ARHGAP15: variants seen among roughly 807,000 people sequenced by gnomAD.
ARHGAP15 encodes rho GTPase-activating protein 15.
Under a neutral mutation model 63.7 loss-of-function variants are expected in ARHGAP15, and 51 were observed. The observed-to-expected ratio is 0.80, with a 90% CI of 0.64 to 1.01. The LOEUF (loss-of-function observed/expected upper bound fraction) is 1.01, where lower values mean the gene tolerates loss of function less well. Ranked by LOEUF, ARHGAP15 falls within the 50% of genes least tolerant of loss-of-function variation. ARHGAP15 has a pLI of 0.00. For synonymous variants in ARHGAP15, 191 were observed against 193.8 expected, an observed-to-expected ratio of 0.99 and a Z score of 0.12; for missense variants, 560 against 564.6, an observed-to-expected ratio of 0.99 and a Z score of 0.08.
intron 6 of ARHGAP15, among the ~76,000 whole-genome samples, chr2:143,373,630 A>C (rs1471502544): frequency 2.0e-4 from 5 of 24,798 alleles, no homozygotes; most frequent in African/African-American, 1.5e-3. Context: ...ACTCTATCTC[A>C]AAAAAAAAAA....
chr2:143,696,220 G>A (rs1683839050), intron 12 of ARHGAP15, among the ~76,000 whole-genome samples: 1 of 151,936 alleles, frequency 6.6e-6, no homozygotes, highest in African/African-American at 2.4e-5. Flanking sequence ...ATAATGACAT[G>A]CCTTATATTT....
At position 143,147,607 on chromosome 2, in the gene ARHGAP15, T is replaced by A. The variant is rs191006539; in HGVS notation, c.-14-7870T>A. ...GGAAATTCAGAAGCAGTTCCACTAA[T>A]CTTAACTTTATTTTCCTTATGTCTC... On this transcript the variant is annotated intron_variant, in intron 1 of 13. Transcript: ENST00000295095. Among the ~76,000 whole-genome samples, 4 of 152,170 alleles carry A rather than the reference T, an allele frequency of 2.6e-5. No homozygotes were observed. The East Asian group carries it at 7.8e-4, about 30-fold the overall frequency.
intron 10 of ARHGAP15, among the ~76,000 whole-genome samples, chr2:143,554,021 CCT>C (rs1695683781): frequency 6.6e-6 from 1 of 152,066 alleles, no homozygotes; most frequent in African/African-American, 2.4e-5. Context: ...TTATAATAGA[CCT>C]CTGATAAGGG....
chr2:143,580,131 A>C (rs992900291), intron 11 of ARHGAP15, among the ~76,000 whole-genome samples: 11 of 151,842 alleles, frequency 7.2e-5, no homozygotes, highest in African/African-American at 2.4e-4. Context: ...TTGCAGTAGA[A>C]ACTCGAACAA....
chr2:143,601,797 C>G (rs1398925699), intron 11 of ARHGAP15, among the ~76,000 whole-genome samples: 1 of 152,064 alleles, frequency 6.6e-6, no homozygotes, highest in Non-Finnish European at 1.5e-5. Context: ...CTCAATTGTT[C>G]CTGACTTTCT....
intron 10 of ARHGAP15, among the ~76,000 whole-genome samples, chr2:143,554,298 A>G (rs1054005605): frequency 2.6e-5 from 4 of 152,144 alleles, no homozygotes; most frequent in African/African-American, 7.2e-5. Context: ...CATTTGATCA[A>G]ACTTTGTTTG....
In ARHGAP15 at chr2:143,637,907, C is replaced by T. The variant is rs540736704; in HGVS notation, c.1138+13640C>T. ...CAAAAAACACATGAAAAAATGCTCA[C>T]CATCACTGGCCATCAGAGAAATGCA... On this transcript the variant is annotated intron_variant, in intron 12 of 13. Coordinates refer to ENST00000295095, the MANE Select transcript of ARHGAP15 (RefSeq NM_018460.4). Among the ~76,000 whole-genome samples the T allele has an allele frequency of 2.4e-3, 363 of 152,142 alleles. 2 individuals carry two copies. The highest frequency in any genetic ancestry group is 8.5e-3 in the African/African-American group (352 of 41,512).
chr2:143,442,181 T>C (rs1364403191), intron 8 of ARHGAP15, among the ~76,000 whole-genome samples: 1 of 152,184 alleles, frequency 6.6e-6, no homozygotes, highest in Non-Finnish European at 1.5e-5. Flanking sequence ...TAAATAATTA[T>C]AATACTGGTC....
At chr2:143,253,735 A>C (rs1680279625) in intron 6 of ARHGAP15, among the ~76,000 whole-genome samples, 1 of 148,344 alleles carries the variant, frequency 6.7e-6, no homozygotes, top group Admixed American at 7.0e-5. Context: ...ACATGTATAA[A>C]ATATATATAC....
chr2:143,556,538 A>G, intron 11 of ARHGAP15, 53 bp downstream of exon 11: 7 of 1,326,274 alleles, frequency 5.3e-6, no homozygotes, highest in Non-Finnish European at 7.6e-6. Context: ...ATGGAACAAT[A>G]TTTCATACAC....
intron 8 of ARHGAP15, among the ~76,000 whole-genome samples, chr2:143,462,306 G>A (rs1487768692): frequency 2.6e-5 from 4 of 152,130 alleles, no homozygotes; most frequent in Non-Finnish European, 5.9e-5. Flanking sequence ...TATTTTTGTG[G>A]TGGAAGTTTG....
At chr2:143,361,280 C>T (rs942096328) in intron 6 of ARHGAP15, among the ~76,000 whole-genome samples, 1 of 152,172 alleles carries the variant, frequency 6.6e-6, no homozygotes, top group Admixed American at 6.5e-5. Context: ...GATATGTCAC[C>T]TATTAGCCAC....
chr2:143,513,395 C>T (rs1333410736), intron 9 of ARHGAP15, among the ~76,000 whole-genome samples: 1 of 152,170 alleles, frequency 6.6e-6, no homozygotes, highest in African/African-American at 2.4e-5. Context: ...CTCTCCTATC[C>T]ATCCCAATTC....
intron 6 of ARHGAP15, among the ~76,000 whole-genome samples, chr2:143,377,194 T>A (rs1284622043): frequency 6.6e-6 from 1 of 151,886 alleles, no homozygotes; most frequent in Non-Finnish European, 1.5e-5. Flanking sequence ...TTAAAAAAAA[T>A]CCAGCCAATA....
At chr2:143,186,731 C>T (rs577473673) in intron 2 of ARHGAP15, among the ~76,000 whole-genome samples, 74 of 152,078 alleles carry the variant, frequency 4.9e-4, no homozygotes, top group Non-Finnish European at 8.4e-4. Flanking sequence ...TGATTTCTCC[C>T]GAAACAAACA....
rs1299568261 is a variant in ARHGAP15 at position 143,740,350 on chromosome 2, C to T, written c.1245-27639C>T. 2.0e-5 allele frequency among the ~76,000 whole-genome samples: 3 copies of T among 152,172 alleles called. No individual in the cohort carries two copies. The East Asian group carries it at 5.8e-4, about 29-fold the overall frequency. ...GTCTGCATATTAGGAACAACAGATA[C>T]ATCAGAATCTACCTCTTGACTTTCT... On this transcript the variant is annotated intron_variant, in intron 13 of 13. Transcript: ENST00000295095.
At chr2:143,714,331 C>A (rs976753435) in intron 13 of ARHGAP15, among the ~76,000 whole-genome samples, 7 of 152,182 alleles carry the variant, frequency 4.6e-5, no homozygotes, top group Non-Finnish European at 2.9e-5. Flanking sequence ...GGTACCACAT[C>A]CCTAGGCTGC....
chr2:143,327,986 A>C (rs529397646), intron 6 of ARHGAP15, among the ~76,000 whole-genome samples: 1 of 152,222 alleles, frequency 6.6e-6, no homozygotes, highest in Non-Finnish European at 1.5e-5. Context: ...TGGCCAAAAA[A>C]CATATGAAAA....
chr2:143,480,456 G>T (rs114831925), intron 8 of ARHGAP15, among the ~76,000 whole-genome samples: 1 of 152,184 alleles, frequency 6.6e-6, no homozygotes, highest in African/African-American at 2.4e-5. Context: ...ACACCCTTCT[G>T]TTATGAATCT....
Sources: allele counts gnomAD v4.1 joint callset (sites outside exome capture counted in the v4.1 genomes callset), GRCh38; gene constraint gnomAD v4.1.1; transcripts MANE v1.5; gene names NCBI Gene and HGNC (gene_info 2026-07-23, HGNC 2026-07-21).